CADM1: variants seen among roughly 807,000 people sequenced by gnomAD.
The protein encoded by CADM1 is TSLC-1.
A neutral mutation model predicts 53.1 loss-of-function variants in CADM1; 15 were observed. That is an observed-to-expected ratio of 0.28 (90% CI 0.19 to 0.44). The LOEUF is 0.44. Among genes scored for constraint, CADM1 ranks in the 20% least tolerant of loss-of-function variants. The pLI, the probability that CADM1 is intolerant of heterozygous loss-of-function variation, is 1.00. For synonymous variants in CADM1, 281 were observed against 243.0 expected (o/e 1.16, Z -1.45); for missense variants, 434 against 611.3 (o/e 0.71, Z 3.06).
chr11:115,233,730 C>G (rs996937179), intron 3 of CADM1, among the ~76,000 whole-genome samples: 1 of 151,880 alleles, frequency 6.6e-6, no homozygotes, highest in Non-Finnish European at 1.5e-5. Flanking sequence ...AAAAAAAATA[C>G]CTTTCAAGGT....
At chr11:115,286,852 C>T (rs1253172390) in intron 1 of CADM1, among the ~76,000 whole-genome samples, 6 of 152,174 alleles carry the variant, frequency 3.9e-5, no homozygotes, top group African/African-American at 1.4e-4. Flanking sequence ...CACATCACTA[C>T]TGATTAAAGA....
At chr11:115,282,929 G>C (rs539295516) in intron 1 of CADM1, among the ~76,000 whole-genome samples, 30 of 152,186 alleles carry the variant, frequency 2.0e-4, no homozygotes, top group Admixed American at 1.8e-3. Flanking sequence ...ACAGAGCATA[G>C]AAATTACTGG....
At chr11:115,314,434 A>T (rs1465450340) in intron 1 of CADM1, among the ~76,000 whole-genome samples, 1 of 152,206 alleles carries the variant, frequency 6.6e-6, no homozygotes, top group Non-Finnish European at 1.5e-5. Flanking sequence ...TCAACTTCAA[A>T]GGACATGCTT....
At chr11:115,305,460 C>T (rs1414756288) in intron 1 of CADM1, among the ~76,000 whole-genome samples, 1 of 151,880 alleles carries the variant, frequency 6.6e-6, no homozygotes, top group Non-Finnish European at 1.5e-5. Context: ...TCAGTTTTTG[C>T]TTTTTTGTCC....
At chr11:115,404,304 C>A (rs756772857) in intron 1 of CADM1, among the ~76,000 whole-genome samples, 1 of 110,950 alleles carries the variant, frequency 9.0e-6, no homozygotes, top group Non-Finnish European at 1.7e-5. Context: ...CCAGCCTGGG[C>A]GACAGAGCAA....
intron 5 of CADM1, among the ~76,000 whole-genome samples, chr11:115,218,576 C>T (rs575509789): frequency 5.3e-4 from 81 of 152,282 alleles, no homozygotes; most frequent in African/African-American, 1.9e-3. Context: ...AGCATCTACT[C>T]CCCTAGGAAC....
intron 1 of CADM1, among the ~76,000 whole-genome samples, chr11:115,382,557 T>C (rs1946604949): frequency 6.6e-6 from 1 of 152,162 alleles, no homozygotes; most frequent in Non-Finnish European, 1.5e-5. Flanking sequence ...ATAAATGAGT[T>C]TAACAATTGT....
chr11:115,295,543 TATATATA>T (rs199841250), intron 1 of CADM1, among the ~76,000 whole-genome samples: 7,216 of 72,252 alleles, frequency 0.1, 449 homozygotes, highest in East Asian at 0.31. Flanking sequence ...TATATATATA[TATATATA>T]ATATATATGT....
At chr11:115,428,873 A>G (rs1470396309) in intron 1 of CADM1, among the ~76,000 whole-genome samples, 1 of 152,156 alleles carries the variant, frequency 6.6e-6, no homozygotes, top group Non-Finnish European at 1.5e-5. Context: ...ATGTTGCAAT[A>G]AAAAGGTTAC....
At chr11:115,384,945 G>A (rs933370033) in intron 1 of CADM1, among the ~76,000 whole-genome samples, 2 of 151,866 alleles carry the variant, frequency 1.3e-5, no homozygotes, top group Admixed American at 6.6e-5. Flanking sequence ...CATGTTTTGG[G>A]GACAATACAG....
intron 1 of CADM1, among the ~76,000 whole-genome samples, chr11:115,284,130 G>C (rs867086523): frequency 0.021 from 1,107 of 53,992 alleles, 10 homozygotes; most frequent in East Asian, 0.12. Context: ...GTGTGTGTGT[G>C]TGTGTGTGTG....
At chr11:115,397,736 A>AC (rs397705061) in intron 1 of CADM1, 1 of 48 alleles carries the variant, frequency 0.021, no homozygotes, top group Non-Finnish European at 0.031. Flanking sequence ...GTTAATGACT[A>AC]GGAAGTGTAC....
At chr11:115,402,497 T>C (rs1321511887) in intron 1 of CADM1, among the ~76,000 whole-genome samples, 2 of 152,080 alleles carry the variant, frequency 1.3e-5, no homozygotes, top group Admixed American at 6.5e-5. Context: ...CCCTCCAGCC[T>C]GGGCGATAGA....
At chr11:115,404,327 GAAAAAAAAA>G (rs1216372271) in intron 1 of CADM1, among the ~76,000 whole-genome samples, 1 of 5,832 alleles carries the variant, frequency 1.7e-4, no homozygotes, top group African/African-American at 5.3e-4. Context: ...ATCTGTCTCG[GAAAAAAAAA>G]AAAAAAAAAA....
At chr11:115,219,499 C>T (rs773415556) in intron 5 of CADM1, among the ~76,000 whole-genome samples, 2 of 152,144 alleles carry the variant, frequency 1.3e-5, no homozygotes, top group Non-Finnish European at 2.9e-5. Context: ...TGCCAGAGAA[C>T]GTAAAGTTAA....
chr11:115,199,557 G>A (rs565095239), intron 8 of CADM1, among the ~76,000 whole-genome samples: 77 of 152,292 alleles, frequency 5.1e-4, no homozygotes, highest in African/African-American at 1.8e-3. Context: ...TTTGGCTACA[G>A]GGGAAGTGGA....
chr11:115,357,962 T>C (rs1297922781), intron 1 of CADM1, among the ~76,000 whole-genome samples: 1 of 152,176 alleles, frequency 6.6e-6, no homozygotes, highest in Non-Finnish European at 1.5e-5. Flanking sequence ...TATAATGTGG[T>C]AATTGCCATA....
chr11:115,403,499 T>C (rs1947216623), intron 1 of CADM1, among the ~76,000 whole-genome samples: 1 of 152,242 alleles, frequency 6.6e-6, no homozygotes, highest in Non-Finnish European at 1.5e-5. Flanking sequence ...GATGTTAACA[T>C]TTGGAGAATC....
chr11:115,195,768 T>C (rs1282740867), intron 9 of CADM1, among the ~76,000 whole-genome samples: 1 of 152,196 alleles, frequency 6.6e-6, no homozygotes, highest in East Asian at 1.9e-4. Context: ...ACCTGGAAGT[T>C]TTTCCCCGAC....
Sources: gnomAD v4.1 joint callset for allele counts (sites outside exome capture counted in the v4.1 genomes callset) on GRCh38, gnomAD v4.1.1 for gene constraint, MANE v1.5 for transcripts, NCBI Gene and HGNC (gene_info 2026-07-23, HGNC 2026-07-21) for gene names.